Variants in KIRREL3 observed in about 807,000 individuals in gnomAD.
KIRREL3 encodes the protein kin of IRRE-like protein 3.
In KIRREL3, 36 loss-of-function variants were observed where a neutral mutation model predicts 89.7. That is an observed-to-expected ratio of 0.40 (90% confidence interval 0.31 to 0.53). The LOEUF (loss-of-function observed/expected upper bound fraction) is 0.53, where lower values mean the gene tolerates loss of function less well. Ranked by LOEUF, KIRREL3 falls within the 20% of genes least tolerant of loss-of-function variation. The pLI, the probability that KIRREL3 is intolerant of heterozygous loss-of-function variation, is 0.49. For synonymous variants in KIRREL3, 445 were observed against 441.4 expected, an observed-to-expected ratio of 1.01 and a Z score of -0.10; for missense variants, 864 against 1,056.6, an observed-to-expected ratio of 0.82 and a Z score of 2.53.
intron 4 of KIRREL3, among the ~76,000 whole-genome samples, chr11:126,507,735 A>T (rs1415472325): frequency 6.6e-6 from 1 of 152,192 alleles, no homozygotes; most frequent in East Asian, 1.9e-4. Context: ...AAGGTTTTTG[A>T]GGGTCTTTCT....
rs148706296 is a variant in KIRREL3 at position 126,670,204 on chromosome 11, A to G, written c.56-107292T>C. 5.4e-3 allele frequency among the ~76,000 whole-genome samples: 824 copies of G among 152,334 alleles called. 6 individuals carry two copies. Among genetic ancestry groups the G allele is most frequent in the African/African-American group, 0.019 (795 of 41,574 alleles). On this transcript the variant is annotated intron_variant, in intron 1 of 16. Transcript: ENST00000525144. ...TTGCCACCTAAAATCTATGCCCCAC[A>G]TAGCAGGCATAATGATTTTAAAAAA...
At chr11:126,511,566 T>C (rs7126035) in intron 4 of KIRREL3, among the ~76,000 whole-genome samples, 21,468 of 152,154 alleles carry the variant, frequency 0.14, 1,658 homozygotes, top group Admixed American at 0.17. Context: ...GTCTTCTGCT[T>C]CTGTGGTGTC....
Position 126,867,637 on chromosome 11 carries a change from T to C in KIRREL3, c.55+132818A>G, listed in dbSNP as rs1000007507. Among the ~76,000 whole-genome samples the C allele has an allele frequency of 6.6e-6, 1 of 152,178 alleles. No individual in the cohort carries two copies. Among genetic ancestry groups the C allele is most frequent in the African/African-American group, 2.4e-5 (1 of 41,440 alleles). Reference sequence around the variant, plus strand: ...AATGATTACCGAGTGCCATGCCCCATCAGGATGTGCTGGTAATATTTCCAG... The same window carrying C: ...AATGATTACCGAGTGCCATGCCCCACCAGGATGTGCTGGTAATATTTCCAG... On this transcript the variant is annotated intron_variant, in intron 1 of 16. Transcript: ENST00000525144. The surrounding 1 kb of genome is among the most constrained non-coding windows in gnomAD (Gnocchi z 4.7).
chr11:126,593,952 C>T (rs1942271988), intron 1 of KIRREL3, among the ~76,000 whole-genome samples: 1 of 152,204 alleles, frequency 6.6e-6, no homozygotes, highest in Non-Finnish European at 1.5e-5. Context: ...CAGGTCTGTA[C>T]TCTGCTCAGT....
rs1946683352 is a variant in KIRREL3, at chr11:126,908,686, C to A, written c.55+91769G>T. Among the ~76,000 whole-genome samples the A allele has an allele frequency of 6.6e-6, 1 of 152,224 alleles. No individual in the cohort carries two copies. Among genetic ancestry groups the A allele is most frequent in the African/African-American group, 2.4e-5 (1 of 41,536 alleles). On this transcript the variant is annotated intron_variant, in intron 1 of 16. Transcript: ENST00000525144. This position sits in a 1 kb window ranked among gnomAD's most constrained non-coding sequence, Gnocchi z 4.2. The stretch of plus-strand genomic sequence containing the variant: ...ATTTAACAAGTATTAAAGGGCTTCC[C>A]ATACACCAGAAACTGGGGATTCCAC...
intron 1 of KIRREL3, among the ~76,000 whole-genome samples, chr11:126,600,029 A>G (rs1000154861): frequency 6.6e-6 from 1 of 152,186 alleles, no homozygotes; most frequent in East Asian, 1.9e-4. Flanking sequence ...TCTCTAGTTA[A>G]GTTATAAAAG....
chr11:126,787,380 T>C (rs765672912), intron 1 of KIRREL3, among the ~76,000 whole-genome samples: 2 of 152,206 alleles, frequency 1.3e-5, no homozygotes, highest in Non-Finnish European at 2.9e-5. Context: ...ATAATTTAAA[T>C]CATTGCCAAA....
chr11:126,693,777 G>C (rs1373928464), intron 1 of KIRREL3, among the ~76,000 whole-genome samples: 1 of 152,244 alleles, frequency 6.6e-6, no homozygotes, highest in Non-Finnish European at 1.5e-5. Context: ...TCTGGTAGCA[G>C]AGAAAAAGTG....
chr11:126,487,719 C>G (rs1957403549), intron 4 of KIRREL3, among the ~76,000 whole-genome samples: 1 of 152,200 alleles, frequency 6.6e-6, no homozygotes, highest in African/African-American at 2.4e-5. Flanking sequence ...TTTTTGAAAT[C>G]TCCTCTGTTC....
chr11:126,637,578 A>G (rs550505270), intron 1 of KIRREL3, among the ~76,000 whole-genome samples: 86 of 152,316 alleles, frequency 5.6e-4, no homozygotes, highest in African/African-American at 2.1e-3. Flanking sequence ...TTTCAATTCA[A>G]AGAAAAAAAT....
At position 126,424,456 on chromosome 11, in the gene KIRREL3, C is replaced by T. The variant is rs1565437704; in HGVS notation, c.*124G>A. The T allele has an allele frequency of 1.7e-5, 15 of 858,856 alleles. No individual in the cohort carries two copies. Among genetic ancestry groups the T allele is most frequent in the East Asian group, 8.4e-5 (3 of 35,506 alleles). 53.2% of individuals were successfully genotyped at this position (858,856 alleles called of 1,614,324 possible). The stretch of plus-strand genomic sequence containing the variant: ...CTTCGAAGGAAGGCAGTGGCAGAGG[C>T]GCTGGGAGGCTGTCCTGGAAGTGGC... On this transcript the variant is annotated 3_prime_UTR_variant, in exon 17 of 17. Transcript: ENST00000525144.
At position 126,425,691 on chromosome 11, in the gene KIRREL3, G is replaced by A. The variant is rs375294334; in HGVS notation, c.1840C>T (p.Leu614=). 13 of 1,598,944 alleles carry A rather than the reference G, an allele frequency of 8.1e-6. No homozygotes were observed. In the African/African-American group the frequency reaches 1.3e-4, roughly 16 times the overall value. Residue 614 remains leucine, a synonymous_variant, in exon 16 of 17, where the codon CTG becomes TTG. Transcript: ENST00000525144. Reference sequence around the variant, plus strand: ...TCTTTGAGGACCTCCAGCTGTTTCAGGACTGAGTCTTGCTGGAATTCACCC... The same window carrying A: ...TCTTTGAGGACCTCCAGCTGTTTCAAGACTGAGTCTTGCTGGAATTCACCC... ...DRGEFQQDSV[L]KQLEVLKEEE...
At chr11:126,998,945 G>GTGTT (rs1264987849) in intron 1 of KIRREL3, among the ~76,000 whole-genome samples, 1 of 124,932 alleles carries the variant, frequency 8.0e-6, no homozygotes, top group African/African-American at 3.4e-5. Flanking sequence ...GTGTGTGTGT[G>GTGTT]TGTGTGTGTG....
chr11:126,868,124 G>A (rs1019244242), intron 1 of KIRREL3, among the ~76,000 whole-genome samples: 19 of 152,050 alleles, frequency 1.2e-4, no homozygotes, highest in Admixed American at 1.1e-3. Context: ...GGAGAGTCTC[G>A]TATTGGACTA....
chr11:126,566,463 T>C lies in KIRREL3; in HGVS notation c.56-3551A>G, dbSNP rs1940527087. 6.6e-6 allele frequency among the ~76,000 whole-genome samples: 1 copy of C among 152,186 alleles called. No homozygotes were observed. The highest frequency in any genetic ancestry group is 2.4e-5 in the African/African-American group (1 of 41,450). On this transcript the variant is annotated intron_variant, in intron 1 of 16. Coordinates refer to ENST00000525144, the MANE Select transcript of KIRREL3 (RefSeq NM_032531.4). The surrounding 1 kb of genome is among the most constrained non-coding windows in gnomAD (Gnocchi z 4.9). Reference sequence around the variant, plus strand: ...GCTCAGGAACAGTCTGCTGACTTAATGAAAGGGCTGGCTACAAAATATGGG... The same window carrying C: ...GCTCAGGAACAGTCTGCTGACTTAACGAAAGGGCTGGCTACAAAATATGGG...
In KIRREL3 at chr11:126,611,145, A is replaced by G. The variant is rs181225114; in HGVS notation, c.56-48233T>C. Among the ~76,000 whole-genome samples the G allele has an allele frequency of 4.8e-3, 724 of 152,340 alleles. 4 individuals carry two copies. The highest frequency in any genetic ancestry group is 8.0e-3 in the Non-Finnish European group (544 of 68,030). ...GGGAAGTTCCTCAACTGAAGTCACA[A>G]AGACCTAATCTGGGAGGTGGGAATA... On this transcript the variant is annotated intron_variant, in intron 1 of 16. Transcript: ENST00000525144. This position sits in a 1 kb window ranked among gnomAD's most constrained non-coding sequence, Gnocchi z 4.7.
In KIRREL3 at chr11:126,892,926, G is replaced by A. The variant is rs1199678050; in HGVS notation, c.55+107529C>T. Reference sequence around the variant, plus strand: ...GCCTGGCATCCCTGCTGCAGAATCGGGCTAGGATAGGGCTGAGTATTCTAA... The same window carrying A: ...GCCTGGCATCCCTGCTGCAGAATCGAGCTAGGATAGGGCTGAGTATTCTAA... On this transcript the variant is annotated intron_variant, in intron 1 of 16. Transcript: ENST00000525144. The surrounding 1 kb of genome is among the most constrained non-coding windows in gnomAD (Gnocchi z 5.4). 1.3e-5 allele frequency among the ~76,000 whole-genome samples: 2 copies of A among 152,184 alleles called. No homozygotes were observed. The highest frequency in any genetic ancestry group is 1.3e-4 in the Admixed American group (2 of 15,286).
At chr11:126,915,287 G>A (rs940396947) in intron 1 of KIRREL3, among the ~76,000 whole-genome samples, 5 of 151,958 alleles carry the variant, frequency 3.3e-5, no homozygotes, top group Admixed American at 6.5e-5. Flanking sequence ...ACTCTCCTGA[G>A]CCATTCTTCC....
rs1331705013 is a variant in KIRREL3, at chr11:126,495,409, C to G, written c.434-21943G>C. On this transcript the variant is annotated intron_variant, in intron 4 of 16. Coordinates refer to ENST00000525144, the MANE Select transcript of KIRREL3 (RefSeq NM_032531.4). This position sits in a 1 kb window ranked among gnomAD's most constrained non-coding sequence, Gnocchi z 6.5. ...AGCACCCTCTGACCTCCCTGCCTGA[C>G]CCCAGGTGGTTCTGCTTTCTCCCCA... is the stretch of plus-strand genomic sequence containing the variant. Among the ~76,000 whole-genome samples the G allele has an allele frequency of 1.3e-5, 2 of 152,128 alleles. No homozygotes were observed. Among genetic ancestry groups the G allele is most frequent in the Non-Finnish European group, 2.9e-5 (2 of 68,020 alleles).
Sources: allele counts gnomAD v4.1 joint callset (sites outside exome capture counted in the v4.1 genomes callset), GRCh38; gene constraint gnomAD v4.1.1; non-coding constraint Gnocchi (gnomAD v3.1); transcripts MANE v1.5; gene names NCBI Gene and HGNC (gene_info 2026-07-23, HGNC 2026-07-21).